Variants in MRFAP1 observed in about 807,000 individuals in gnomAD.
The protein encoded by MRFAP1 is MORF4 family-associated protein 1.
Under a neutral mutation model 9.3 loss-of-function variants are expected in MRFAP1, and 1 was observed. That is an observed-to-expected ratio of 0.11 (90% CI 0.04 to 0.51). MRFAP1 has a LOEUF of 0.51. MRFAP1 is among the 20% of genes least tolerant of loss of function. MRFAP1 has a pLI of 0.94. For synonymous variants in MRFAP1, 101 were observed against 80.3 expected (o/e 1.26, Z -1.38); for missense variants, 180 against 178.6 (o/e 1.01, Z -0.04).
At position 6,641,178 on chromosome 4, in the gene MRFAP1, G is replaced by A. The variant is rs759178401; in HGVS notation, c.316G>A (p.Glu106Lys). The A allele has an allele frequency of 1.4e-5, 22 of 1,613,024 alleles. No individual in the cohort carries two copies. Among genetic ancestry groups the A allele is most frequent in the Non-Finnish European group, 1.9e-5 (22 of 1,179,386 alleles). Residue 106 changes from glutamate (E) to lysine (K), a missense_variant, in exon 1 of 2, where the codon GAG becomes AAG. By Grantham distance (56) the Glu-to-Lys change is moderately conservative. Coordinates refer to ENST00000382581, the MANE Select transcript of MRFAP1 (RefSeq NM_033296.3). ...RCEKAEEKAKEIAKMAEMLVE... is the reference protein window; with the variant it reads ...RCEKAEEKAKKIAKMAEMLVE... ...CGAGAAGGCCGAGGAGAAGGCCAAG[G>A]AGATTGCGAAGATGGCAGAGATGCT...
chr4:6,641,062 T>C lies in MRFAP1; in HGVS notation c.200T>C (p.Ile67Thr). The C allele has an allele frequency of 6.2e-7, 1 of 1,613,986 alleles. No individual in the cohort carries two copies. The highest frequency in any genetic ancestry group is 8.5e-7 in the Non-Finnish European group (1 of 1,179,918). The change falls in exon 1 of 2, where the codon ATC becomes ACC. Residue 67 changes from isoleucine (I) to threonine (T), a missense_variant. Ile to Thr is a moderately conservative substitution (Grantham distance 89, BLOSUM62 -1). Coordinates refer to ENST00000382581, the MANE Select transcript of MRFAP1 (RefSeq NM_033296.3). ...LWEMDNMLIQ[I>T]KTQVEASEES... ...GAGATGGACAATATGCTCATCCAGA[T>C]CAAAACGCAGGTGGAGGCCTCGGAG... is the stretch of plus-strand genomic sequence containing the variant.
chr4:6,641,172 G>A lies in MRFAP1; in HGVS notation c.310G>A (p.Ala104Thr), dbSNP rs746588171. 6.2e-7 allele frequency: 1 copy of A among 1,613,378 alleles called. No individual in the cohort carries two copies. Among genetic ancestry groups the A allele is most frequent in the South Asian group, 1.1e-5 (1 of 91,036 alleles). ...GAGGTGCGAGAAGGCCGAGGAGAAGGCCAAGGAGATTGCGAAGATGGCAGA... is the reference window on the plus strand; with the variant it reads ...GAGGTGCGAGAAGGCCGAGGAGAAGACCAAGGAGATTGCGAAGATGGCAGA... Reference protein sequence around the residue: ...AKRCEKAEEKAKEIAKMAEML... With the variant: ...AKRCEKAEEKTKEIAKMAEML... The change falls in exon 1 of 2, where the codon GCC becomes ACC. Residue 104 changes from alanine (A) to threonine (T), a missense_variant. Coordinates refer to ENST00000382581, the MANE Select transcript of MRFAP1 (RefSeq NM_033296.3).
At chr4:6,641,282 C>T (rs767528814) in intron 1 of MRFAP1, 24 bp downstream of exon 1, 15 of 1,531,722 alleles carry the variant, frequency 9.8e-6, no homozygotes, top group African/African-American at 1.4e-5. Flanking sequence ...CCGCGCCAGG[C>T]CGAGGAGCGG....
At chr4:6,641,583 G>C in intron 1 of MRFAP1, 147 bp from the exon 2 acceptor site, 1 of 272,358 alleles carries the variant, frequency 3.7e-6, no homozygotes, top group Non-Finnish European at 7.1e-6. Flanking sequence ...GGAAGACGTT[G>C]GACAAGTCAA....
chr4:6,641,527 G>T, intron 1 of MRFAP1: 2 of 403,862 alleles, frequency 5.0e-6, no homozygotes, highest in South Asian at 9.0e-5. Flanking sequence ...AACGGACAAG[G>T]TCCCGGGCCG....
chr4:6,640,819 C>T lies in MRFAP1; in HGVS notation c.-44C>T. 2 of 1,572,310 alleles carry T rather than the reference C, an allele frequency of 1.3e-6. No homozygotes were observed. Among genetic ancestry groups the T allele is most frequent in the Non-Finnish European group, 1.7e-6 (2 of 1,155,198 alleles). On this transcript the variant is annotated 5_prime_UTR_variant, in exon 1 of 2. Coordinates refer to ENST00000382581, the MANE Select transcript of MRFAP1 (RefSeq NM_033296.3). ...AGCATAGCGAGTGTCGGTTTTCTCT[C>T]TCCAACAGACATCGCTATTGCGGTT... is the stretch of plus-strand genomic sequence containing the variant.
At position 6,642,334 on chromosome 4, in the gene MRFAP1, T is replaced by G. The variant is rs1712871308; in HGVS notation, c.*617T>G. 6.5e-6 allele frequency: 1 copy of G among 152,698 alleles called. No homozygotes were observed. The highest frequency in any genetic ancestry group is 1.5e-5 in the Non-Finnish European group (1 of 68,052). 9.5% of individuals were successfully genotyped at this position (152,698 alleles called of 1,614,324 possible). On this transcript the variant is annotated 3_prime_UTR_variant, in exon 2 of 2. Transcript: ENST00000382581. ...CCAAAGGAGGAGAGATGTGTTTTGT[T>G]CAAAATTTAAATTTGTTGTGGTACA...
In MRFAP1 at chr4:6,640,958, C is replaced by T. The variant is rs370527879; in HGVS notation, c.96C>T (p.Ile32=). 2 of 1,614,146 alleles carry T rather than the reference C, an allele frequency of 1.2e-6. No individual in the cohort carries two copies. Among genetic ancestry groups the T allele is most frequent in the Non-Finnish European group, 8.5e-7 (1 of 1,180,010 alleles). The change falls in exon 1 of 2, where the codon ATC becomes ATT. Residue 32 remains isoleucine, a synonymous_variant. Coordinates refer to ENST00000382581, the MANE Select transcript of MRFAP1 (RefSeq NM_033296.3). ...TCGAGCAGTTTCTGCTCCCGGTCAT[C>T]AACGAGATGCGCGAGGACATCGCGT... ...EDFEQFLLPV[I]NEMREDIASL... is the part of the protein sequence containing the mutation.
Position 6,640,767 on chromosome 4 carries a change from C to T in MRFAP1, c.-96C>T. 1.4e-6 allele frequency: 2 copies of T among 1,443,950 alleles called. No homozygotes were observed. The highest frequency in any genetic ancestry group is 9.4e-7 in the Non-Finnish European group (1 of 1,069,294). The allele number at this position is 1,443,950 out of a possible 1,614,324, so 89.4% of individuals were successfully genotyped here. A position where few individuals can be genotyped will look rare whatever the true frequency, so the allele number is the denominator to read the frequency against. On this transcript the variant is annotated 5_prime_UTR_variant, in exon 1 of 2. Coordinates refer to ENST00000382581, the MANE Select transcript of MRFAP1 (RefSeq NM_033296.3). ...AAAGTTGAAAAAGGGTAAAAGTTTT[C>T]AGGAATATTCGGGCTCTCTATTGCT...
chr4:6,641,243 G>C lies in MRFAP1; in HGVS notation c.381G>C (p.Ser127=), dbSNP rs879050154. Residue 127 remains serine (S), a synonymous_variant, in exon 1 of 2, where the codon TCG becomes TCC. Transcript: ENST00000382581. ...LVRRIEKSES[S] ...GGCGGATAGAGAAGAGCGAGTCGTC[G>C]TGAGCGCGGTCGGCGGTAAGTCGGG... The C allele has an allele frequency of 6.4e-7, 1 of 1,567,376 alleles. No individual in the cohort carries two copies. Among genetic ancestry groups the C allele is most frequent in the Non-Finnish European group, 8.7e-7 (1 of 1,151,764 alleles).
At chr4:6,641,298 G>C (rs1340731674) in intron 1 of MRFAP1, 40 bp downstream of exon 1, 1 of 1,523,078 alleles carries the variant, frequency 6.6e-7, no homozygotes, top group Non-Finnish European at 8.8e-7. Flanking sequence ...AGCGGCCCCA[G>C]CTTGGCCGCT....
intron 1 of MRFAP1, 24 bp from the exon 2 acceptor site, chr4:6,641,706 G>T (rs373148872): frequency 6.4e-6 from 1 of 156,590 alleles, no homozygotes; most frequent in Non-Finnish European, 1.4e-5. Context: ...TCTCGATGAT[G>T]AATTTCTTCC....
In MRFAP1 at chr4:6,642,424, A is replaced by C. The variant is rs1336720145; in HGVS notation, c.*707A>C. The C allele has an allele frequency of 2.0e-5, 3 of 152,684 alleles. No individual in the cohort carries two copies. The highest frequency in any genetic ancestry group is 7.2e-5 in the African/African-American group (3 of 41,470). 9.5% of individuals were successfully genotyped at this position (152,684 alleles called of 1,614,324 possible). On this transcript the variant is annotated 3_prime_UTR_variant, in exon 2 of 2. Coordinates refer to ENST00000382581, the MANE Select transcript of MRFAP1 (RefSeq NM_033296.3). Reference sequence around the variant, plus strand: ...CCTAACTCAGCTTTATTTGACATGGAACCTAAAATAGAAGATAAGATCTTG... The same window carrying C: ...CCTAACTCAGCTTTATTTGACATGGCACCTAAAATAGAAGATAAGATCTTG...
In MRFAP1 at chr4:6,641,152, G is replaced by A; in HGVS notation, c.290G>A (p.Cys97Tyr). The change falls in exon 1 of 2, where the codon TGC becomes TAC. Residue 97 changes from cysteine (C) to tyrosine (Y), a missense_variant. Coordinates refer to ENST00000382581, the MANE Select transcript of MRFAP1 (RefSeq NM_033296.3). ...GCCGAGGGCCGGGCGGCCAAGAGGT[G>A]CGAGAAGGCCGAGGAGAAGGCCAAG... The part of the protein sequence containing the change: ...DAAEGRAAKR[C>Y]EKAEEKAKEI... 6.2e-7 allele frequency: 1 copy of A among 1,614,158 alleles called. No homozygotes were observed. The highest frequency in any genetic ancestry group is 1.3e-5 in the African/African-American group (1 of 75,078).
In MRFAP1 at chr4:6,641,486, T is replaced by A. The variant is rs1201180578; in HGVS notation, c.*12+228T>A. ...GCGTGATGCGTGTTCAGTGGAAGGG[T>A]CATAAATCTCAGAGTCGCCAAGGAA... On this transcript the variant is annotated intron_variant, in intron 1 of 1. Transcript: ENST00000382581. The A allele has an allele frequency of 1.0e-5, 5 of 495,736 alleles. No homozygotes were observed. In the Admixed American group the frequency reaches 1.9e-4, roughly 19 times the overall value. The allele number at this position is 495,736 out of a possible 1,614,324, so 30.7% of individuals were successfully genotyped here.
At position 6,642,667 on chromosome 4, in the gene MRFAP1, C is replaced by T. The variant is rs943506362; in HGVS notation, c.*950C>T. On this transcript the variant is annotated 3_prime_UTR_variant, in exon 2 of 2. Transcript: ENST00000382581. ...ACCTAACAAATATTTGAGGTCAGAA[C>T]CCTACCATGTTAAAACAAACAAAAA... The T allele has an allele frequency of 6.6e-6, 1 of 152,298 alleles. No individual in the cohort carries two copies. The highest frequency in any genetic ancestry group is 2.4e-5 in the African/African-American group (1 of 41,436). The allele number at this position is 152,298 out of a possible 1,614,324, so 9.4% of individuals were successfully genotyped here. A position where few individuals can be genotyped will look rare whatever the true frequency, so the allele number is the denominator to read the frequency against.
In MRFAP1 at chr4:6,641,153, CGAGAAGGCCGAG is replaced by C. The variant is rs777152688; in HGVS notation, c.301_312del (p.Glu101_Ala104del). On this transcript the variant is annotated inframe_deletion, in exon 1 of 2. Coordinates refer to ENST00000382581, the MANE Select transcript of MRFAP1 (RefSeq NM_033296.3). ...CCGAGGGCCGGGCGGCCAAGAGGTG[CGAGAAGGCCGAG>C]GAGAAGGCCAAGGAGATTGCGAAGA... 3.1e-6 allele frequency: 5 copies of C among 1,614,106 alleles called. No individual in the cohort carries two copies. The Admixed American group carries it at 5.0e-5, about 16-fold the overall frequency.
chr4:6,641,665 G>C (rs1712839672), intron 1 of MRFAP1, 65 bp from the exon 2 acceptor site: 1 of 164,956 alleles, frequency 6.1e-6, no homozygotes, highest in African/African-American at 2.4e-5. Flanking sequence ...CGTTCGTGAG[G>C]GTTTGGGGGT....
At position 6,642,037 on chromosome 4, in the gene MRFAP1, C is replaced by G. The variant is rs954539974; in HGVS notation, c.*320C>G. Reference sequence around the variant, plus strand: ...TGGTTATTTCTAAATTTTTGAGGTGCTTTGCTATTTCTTGTGTGACCTGAT... The same window carrying G: ...TGGTTATTTCTAAATTTTTGAGGTGGTTTGCTATTTCTTGTGTGACCTGAT... On this transcript the variant is annotated 3_prime_UTR_variant, in exon 2 of 2. Transcript: ENST00000382581. 2 of 152,578 alleles carry G rather than the reference C, an allele frequency of 1.3e-5. No homozygotes were observed. Among genetic ancestry groups the G allele is most frequent in the African/African-American group, 4.8e-5 (2 of 41,410 alleles). The allele number at this position is 152,578 out of a possible 1,614,324, so 9.5% of individuals were successfully genotyped here.
Sources: gnomAD v4.1 joint callset for allele counts on GRCh38, gnomAD v4.1.1 for gene constraint, MANE v1.5 for transcripts, NCBI Gene and HGNC (gene_info 2026-07-23, HGNC 2026-07-21) for gene names.